The following ALG6 variants were observed in gnomAD, a reference collection of about 807,000 sequenced individuals.
ALG6 encodes the protein ALG6 alpha-1,3-glucosyltransferase, also known as dolichyl pyrophosphate Man9GlcNAc2 alpha-1,3-glucosyltransferase.
ALG6 carries 46 observed loss-of-function variants against 66.6 expected under a neutral mutation model. The ratio of observed to expected loss-of-function variants is 0.69; its 90% CI spans 0.55 to 0.88. The LOEUF (loss-of-function observed/expected upper bound fraction) is 0.88, where lower values mean the gene tolerates loss of function less well. Ranked by LOEUF, ALG6 falls within the 40% of genes least tolerant of loss-of-function variation. The probability of loss-of-function intolerance (pLI) is 0.00; values close to 1 mark genes in which losing one functional copy is unlikely to be tolerated. For synonymous variants in ALG6, 185 were observed against 203.7 expected, an observed-to-expected ratio of 0.91 and a Z score of 0.78; for missense variants, 505 against 586.8, an observed-to-expected ratio of 0.86 and a Z score of 1.44.
At chr1:63,378,119 AT>A (rs1648191214) in intron 2 of ALG6, among the ~76,000 whole-genome samples, 1 of 151,736 alleles carries the variant, frequency 6.6e-6, no homozygotes, top group Admixed American at 6.6e-5. Context: ...CTTTGAGATC[AT>A]TTTTTTCTTC....
rs1570097928 is a variant in ALG6 at position 63,437,590 on chromosome 1, A to G, written c.*570A>G. ...GCAATTTAAACTGCTTGAAGTTTGA[A>G]TATGCCTTATTACACATGCAAATTT... On this transcript the variant is annotated 3_prime_UTR_variant, in exon 15 of 15. Transcript: ENST00000263440. 1 of 152,920 alleles carries G rather than the reference A, an allele frequency of 6.5e-6. No individual in the cohort carries two copies. Among genetic ancestry groups the G allele is most frequent in the South Asian group, 2.1e-4 (1 of 4,854 alleles). The allele number at this position is 152,920 out of a possible 1,614,324, so 9.5% of individuals were successfully genotyped here.
At chr1:63,387,583 C>CCAGG (rs1050494490) in intron 2 of ALG6, among the ~76,000 whole-genome samples, 1 of 110,882 alleles carries the variant, frequency 9.0e-6, no homozygotes, top group African/African-American at 3.6e-5. Flanking sequence ...GCTCTGTTGC[C>CCAGG]CAGGCTGGAG....
intron 14 of ALG6, chr1:63,429,374 A>G (rs1644633780): frequency 2.5e-6 from 1 of 400,104 alleles, no homozygotes; most frequent in South Asian, 3.0e-5. Flanking sequence ...TCCCAATTCT[A>G]TTCTCACTCC....
At position 63,400,233 on chromosome 1, in the gene ALG6, ATATATATATACG is replaced by A. The variant is rs1484531147; in HGVS notation, c.168-2011_168-2000del. 2.7e-4 allele frequency among the ~76,000 whole-genome samples: 6 copies of A among 22,246 alleles called. 2 individuals carry two copies. The highest frequency in any genetic ancestry group is 3.8e-4 in the Non-Finnish European group (6 of 15,928). 14.6% of individuals were successfully genotyped at this position (22,246 alleles called of 152,430 possible). The stretch of plus-strand genomic sequence containing the variant: ...TATATATATATATACGTATATATAT[ATATATATATACG>A]TATATATATGTATATATATATACGT... On this transcript the variant is annotated intron_variant, in intron 3 of 14. Transcript: ENST00000263440.
intron 2 of ALG6, among the ~76,000 whole-genome samples, chr1:63,389,921 C>G (rs1034506275): frequency 9.2e-5 from 14 of 152,162 alleles, no homozygotes; most frequent in African/African-American, 2.4e-5. Context: ...CCCTTACTTT[C>G]CCCCAAAGAA....
chr1:63,406,520 C>G, intron 6 of ALG6, 121 bp downstream of exon 6: 1 of 848,388 alleles, frequency 1.2e-6, no homozygotes, highest in South Asian at 1.5e-5. Context: ...AATATTGTAT[C>G]TTCTATCAAT....
intron 2 of ALG6, among the ~76,000 whole-genome samples, chr1:63,381,678 A>C: frequency 7.0e-6 from 1 of 142,662 alleles, no homozygotes. Context: ...AGGGGAGGGG[A>C]GGGGAGGGGA....
intron 12 of ALG6, among the ~76,000 whole-genome samples, chr1:63,424,349 C>A (rs1291886313): frequency 1.3e-5 from 2 of 152,132 alleles, no homozygotes; most frequent in Non-Finnish European, 2.9e-5. Context: ...CTATGTTGGC[C>A]AGGCTGGTCT....
At chr1:63,423,168 C>T (rs1010381344) in intron 12 of ALG6, among the ~76,000 whole-genome samples, 32 of 151,436 alleles carry the variant, frequency 2.1e-4, no homozygotes, top group African/African-American at 6.3e-4. Flanking sequence ...GGACTACAGA[C>T]GCACACCACC....
intron 2 of ALG6, among the ~76,000 whole-genome samples, chr1:63,381,518 C>T (rs981584616): frequency 1.3e-5 from 2 of 152,044 alleles, no homozygotes; most frequent in African/African-American, 4.8e-5. Flanking sequence ...GTGGCGCATG[C>T]CTGTAGTCCC....
At chr1:63,377,171 A>G (rs533563879) in intron 2 of ALG6, among the ~76,000 whole-genome samples, 36 of 152,230 alleles carry the variant, frequency 2.4e-4, no homozygotes, top group Non-Finnish European at 4.7e-4. Context: ...CATGTTGGCC[A>G]GGCTGGTCTT....
At chr1:63,397,529 T>C (rs531058929) in intron 3 of ALG6, among the ~76,000 whole-genome samples, 5 of 146,320 alleles carry the variant, frequency 3.4e-5, no homozygotes, top group African/African-American at 1.3e-4. Flanking sequence ...GCTTTCTCTT[T>C]GTATTATGAA....
intron 12 of ALG6, among the ~76,000 whole-genome samples, chr1:63,421,118 G>C (rs1644570823): frequency 6.6e-6 from 1 of 151,926 alleles, no homozygotes; most frequent in Admixed American, 6.6e-5. Context: ...AAATAAAACA[G>C]AGCAAGAGTA....
chr1:63,413,534 T>G, intron 9 of ALG6: 1 of 152,974 alleles, frequency 6.5e-6, no homozygotes, highest in Non-Finnish European at 1.5e-5. Context: ...GAGAACGGAT[T>G]TCACCACCAG....
chr1:63,380,295 G>A (rs534701156), intron 2 of ALG6, among the ~76,000 whole-genome samples: 5 of 152,298 alleles, frequency 3.3e-5, no homozygotes, highest in African/African-American at 1.2e-4. Flanking sequence ...ATGAACTGAG[G>A]ACTGAATGGT....
chr1:63,404,728 A>C (rs987776211), intron 5 of ALG6, among the ~76,000 whole-genome samples, 187 bp downstream of exon 5: 9 of 152,166 alleles, frequency 5.9e-5, no homozygotes, highest in African/African-American at 2.2e-4. Flanking sequence ...AAAACTTGAA[A>C]GAGTAGAAAG....
chr1:63,368,870 T>C (rs1437066297), intron 1 of ALG6, among the ~76,000 whole-genome samples: 1 of 152,184 alleles, frequency 6.6e-6, no homozygotes, highest in Non-Finnish European at 1.5e-5. Flanking sequence ...AGTTGTAACT[T>C]GTTAATTTAT....
chr1:63,372,439 TTATA>T (rs1290196335), intron 2 of ALG6, among the ~76,000 whole-genome samples: 4 of 151,934 alleles, frequency 2.6e-5, no homozygotes, highest in Non-Finnish European at 4.4e-5. Context: ...ATATGGAAAT[TTATA>T]TATATGTGTG....
chr1:63,415,593 C>G (rs1006047477), intron 10 of ALG6, among the ~76,000 whole-genome samples: 1 of 152,012 alleles, frequency 6.6e-6, no homozygotes, highest in Non-Finnish European at 1.5e-5. Context: ...TGTATATTTT[C>G]TATACATGAT....
Sources: gnomAD v4.1 joint callset for allele counts (sites outside exome capture counted in the v4.1 genomes callset) on GRCh38, gnomAD v4.1.1 for gene constraint, MANE v1.5 for transcripts, NCBI Gene and HGNC (gene_info 2026-07-23, HGNC 2026-07-21) for gene names.